Variants in RBPJL observed in about 807,000 individuals in gnomAD.
RBPJL encodes the protein recombination signal binding protein for immunoglobulin kappa J region like, also known as recombining binding protein suppressor of hairless-like protein.
Under a neutral mutation model 57.6 loss-of-function variants are expected in RBPJL, and 50 were observed. The ratio of observed to expected loss-of-function variants is 0.87; its 90% CI spans 0.69 to 1.10. RBPJL has a LOEUF of 1.10. RBPJL is among the 50% of genes least tolerant of loss of function. RBPJL has a pLI of 0.00. For missense variants in RBPJL, 684 were observed against 693.7 expected (o/e 0.99, Z 0.16); for synonymous variants, 303 against 294.4 (o/e 1.03, Z -0.30).
chr20:45,309,831 AC>A, intron 3 of RBPJL, 139 bp downstream of exon 3: 1 of 1,049,064 alleles, frequency 9.5e-7, no homozygotes, highest in Non-Finnish European at 1.3e-6. Flanking sequence ...CAGGGCCTTG[AC>A]CCTCAGCCAC....
chr20:45,310,605 C>CAAAA (rs111414301), intron 3 of RBPJL, among the ~76,000 whole-genome samples: 2 of 136,972 alleles, frequency 1.5e-5, no homozygotes. Context: ...GACTCAGTCT[C>CAAAA]AAAAAAAAAA....
At chr20:45,312,151 C>T in intron 5 of RBPJL, 70 bp from the exon 6 acceptor site, 1 of 1,605,310 alleles carries the variant, frequency 6.2e-7, no homozygotes, top group Non-Finnish European at 8.5e-7. Flanking sequence ...CGTCCGATAT[C>T]TGGGAGAGGT....
rs1350116462 is a variant in RBPJL, at chr20:45,317,791, A to T, written c.*832A>T. 1 of 152,316 alleles carries T rather than the reference A, an allele frequency of 6.6e-6. No individual in the cohort carries two copies. Among genetic ancestry groups the T allele is most frequent in the Non-Finnish European group, 1.5e-5 (1 of 68,152 alleles). 9.4% of individuals were successfully genotyped at this position (152,316 alleles called of 1,614,324 possible). On this transcript the variant is annotated 3_prime_UTR_variant, in exon 12 of 12. Coordinates refer to ENST00000343694, the MANE Select transcript of RBPJL (RefSeq NM_014276.4). ...CAGGACGCAGTCCTGAGGATCAGGG[A>T]TTCTACAGCTGCATTAAAATCAATC... is the stretch of plus-strand genomic sequence containing the variant.
In RBPJL at chr20:45,314,579, A is replaced by T; in HGVS notation, c.1020+14A>T. 1.2e-6 allele frequency: 2 copies of T among 1,609,692 alleles called. No individual in the cohort carries two copies. The highest frequency in any genetic ancestry group is 2.2e-5 in the South Asian group (2 of 90,730). On this transcript the variant is annotated intron_variant, in intron 9 of 11. Transcript: ENST00000343694. Reference sequence around the variant, plus strand: ...GTGCAATTTCAGGTAAGAAGCAGAGAATACCAGCACCAAGTGTCCTGGAAA... The same window carrying T: ...GTGCAATTTCAGGTAAGAAGCAGAGTATACCAGCACCAAGTGTCCTGGAAA...
At chr20:45,310,441 T>C (rs1243963894) in intron 3 of RBPJL, among the ~76,000 whole-genome samples, 2 of 151,912 alleles carry the variant, frequency 1.3e-5, no homozygotes, top group African/African-American at 2.4e-5. Flanking sequence ...ACCCCCTCTC[T>C]ACCAAAAAAT....
In RBPJL at chr20:45,316,201, C is replaced by G. The variant is rs1987455901; in HGVS notation, c.1035C>G (p.Pro345=). ...KVVQFQASPC[P]KEANRALLND... ...TCTCCTCCCAGGCCTCTCCCTGCCC[C>G]AAGGAGGCGAACAGGGCTCTGCTTA... The change falls in exon 10 of 12, where the codon CCC becomes CCG. Residue 345 remains proline, a synonymous_variant. Coordinates refer to ENST00000343694, the MANE Select transcript of RBPJL (RefSeq NM_014276.4). The G allele has an allele frequency of 1.9e-6, 3 of 1,613,960 alleles. No homozygotes were observed. The highest frequency in any genetic ancestry group is 2.5e-6 in the Non-Finnish European group (3 of 1,179,930).
At position 45,314,034 on chromosome 20, in the gene RBPJL, G is replaced by A. The variant is rs1987329190; in HGVS notation, c.758-1G>A. 5 of 1,611,446 alleles carry A rather than the reference G, an allele frequency of 3.1e-6. No homozygotes were observed. Among genetic ancestry groups the A allele is most frequent in the African/African-American group, 1.3e-5 (1 of 74,858 alleles). ...TGTCCCTTGCTTTTTTTGTCCCCCA[G>A]CTGATGGGCACTCTGCCCAAGGAGA... On this transcript the variant is annotated splice_acceptor_variant, in intron 7 of 11. Coordinates refer to ENST00000343694, the MANE Select transcript of RBPJL (RefSeq NM_014276.4). LOFTEE classifies it high-confidence loss of function.
chr20:45,312,019 C>T, intron 5 of RBPJL, 65 bp downstream of exon 5: 1 of 1,441,336 alleles, frequency 6.9e-7, no homozygotes, highest in Non-Finnish European at 9.6e-7. Context: ...GAAAGGAGGG[C>T]TCCTTTACTC....
At chr20:45,308,300 G>A in intron 2 of RBPJL, 49 bp downstream of exon 2, 1 of 1,281,838 alleles carries the variant, frequency 7.8e-7, no homozygotes, top group Non-Finnish European at 1.1e-6. Flanking sequence ...CCAGGCAGCT[G>A]GAGCACACAG....
At chr20:45,313,951 A>C in intron 7 of RBPJL, 84 bp from the exon 8 acceptor site, 1 of 960,162 alleles carries the variant, frequency 1.0e-6, no homozygotes, top group Middle Eastern at 2.2e-4. Flanking sequence ...GATGTGAGGA[A>C]GAGCCAGAGG....
At chr20:45,314,277 C>A in intron 8 of RBPJL, 133 bp downstream of exon 8, 1 of 1,256,220 alleles carries the variant, frequency 8.0e-7, no homozygotes, top group Non-Finnish European at 1.1e-6. Context: ...CGCGTAGGAC[C>A]AGACAGAAGT....
rs150441483 is a variant in RBPJL at position 45,314,071 on chromosome 20, G to A, written c.794G>A (p.Arg265Gln). ...TCTGCCCAAGGAGACTTCCCACCGCGAGAGGGCTACGTTCGCTATGGCTCC... is the reference window on the plus strand; with the variant it reads ...TCTGCCCAAGGAGACTTCCCACCGCAAGAGGGCTACGTTCGCTATGGCTCC... Reference protein sequence around the residue: ...GHSAQGDFPPREGYVRYGSLV... With the variant: ...GHSAQGDFPPQEGYVRYGSLV... Residue 265 changes from arginine to glutamine, a missense_variant, in exon 8 of 12, where the codon CGA (arginine) becomes CAA (glutamine). Arg to Gln is a conservative substitution (Grantham distance 43). Transcript: ENST00000343694. 131 of 1,614,108 alleles carry A rather than the reference G, an allele frequency of 8.1e-5. No individual in the cohort carries two copies. In the African/African-American group the frequency reaches 1.2e-3, roughly 15 times the overall value.
chr20:45,313,653 C>T, intron 7 of RBPJL, 48 bp downstream of exon 7: 1 of 1,504,562 alleles, frequency 6.6e-7, no homozygotes, highest in South Asian at 1.3e-5. Flanking sequence ...CATGCATTAG[C>T]TTATTTAACC....
In RBPJL at chr20:45,316,993, G is replaced by A. The variant is rs753708797; in HGVS notation, c.*34G>A. 4.4e-6 allele frequency: 7 copies of A among 1,590,756 alleles called. No homozygotes were observed. The highest frequency in any genetic ancestry group is 6.0e-6 in the Non-Finnish European group (7 of 1,166,746). ...GGTAGCCCCGGCTGCCCACCCTGGA[G>A]GGCTGCGCCCGCGCCAGGCGCGGGG... On this transcript the variant is annotated 3_prime_UTR_variant, in exon 12 of 12. Coordinates refer to ENST00000343694, the MANE Select transcript of RBPJL (RefSeq NM_014276.4).
At chr20:45,312,827 CAAAAA>C (rs749039599) in intron 6 of RBPJL, among the ~76,000 whole-genome samples, 5 of 84,814 alleles carry the variant, frequency 5.9e-5, no homozygotes, top group Admixed American at 1.3e-4. Flanking sequence ...TTGTCTGTAC[CAAAAA>C]AAAAAAAAAA....
Position 45,311,821 on chromosome 20 carries a change from G to C in RBPJL, c.329-18G>C, listed in dbSNP as rs886762403. On this transcript the variant is annotated intron_variant, in intron 4 of 11. Transcript: ENST00000343694. ...GTCCTCCCGAGTCCTTGCAGAGCCAGTTCGCGTCCCTTTCCAGCTCACCAG... is the reference window on the plus strand; with the variant it reads ...GTCCTCCCGAGTCCTTGCAGAGCCACTTCGCGTCCCTTTCCAGCTCACCAG... 4 of 1,548,094 alleles carry C rather than the reference G, an allele frequency of 2.6e-6. No homozygotes were observed. Among genetic ancestry groups the C allele is most frequent in the Middle Eastern group, 1.7e-4 (1 of 5,984 alleles).
intron 6 of RBPJL, among the ~76,000 whole-genome samples, chr20:45,313,230 C>T (rs1987278664): frequency 6.6e-6 from 1 of 152,070 alleles, no homozygotes; most frequent in Admixed American, 6.6e-5. Flanking sequence ...CAAGCCAGGA[C>T]AGGGCACTGA....
In RBPJL at chr20:45,314,113, GC is replaced by G; in HGVS notation, c.837del (p.Cys279Ter). 6.2e-7 allele frequency: 1 copy of G among 1,614,146 alleles called. No homozygotes were observed. Among genetic ancestry groups the G allele is most frequent in the South Asian group, 1.1e-5 (1 of 91,086 alleles). ...TATGGCTCCCTGGTGCAGCTCGTCT[GC>G]ACGGTCACCGGCATCACACTACCTC... is the stretch of plus-strand genomic sequence containing the variant. Reference protein sequence around the residue: ...VRYGSLVQLVCTVTGITLPPM... With the variant: ...VRYGSLVQLVXTVTGITLPPM... On this transcript the variant is annotated frameshift_variant, in exon 8 of 12. Transcript: ENST00000343694. LOFTEE classifies it high-confidence loss of function.
At chr20:45,313,674 C>T (rs1987311697) in intron 7 of RBPJL, 69 bp downstream of exon 7, 1 of 1,438,492 alleles carries the variant, frequency 7.0e-7, no homozygotes, top group South Asian at 1.4e-5. Context: ...TCCACCACAA[C>T]TCCTTAAGGA....
Sources: allele counts gnomAD v4.1 joint callset (sites outside exome capture counted in the v4.1 genomes callset), GRCh38; gene constraint gnomAD v4.1.1; transcripts MANE v1.5; gene names NCBI Gene and HGNC (gene_info 2026-07-23, HGNC 2026-07-21).